The following TM7SF3 variants were observed in gnomAD, a reference collection of about 807,000 sequenced individuals.
TM7SF3 encodes seven span transmembrane protein.
Under a neutral mutation model 65.5 loss-of-function variants are expected in TM7SF3, and 60 were observed. The observed-to-expected ratio is 0.92, with a 90% CI of 0.74 to 1.14. The LOEUF is 1.14. TM7SF3 is among the 50% of genes most tolerant of loss of function. The pLI is 0.00. For missense variants in TM7SF3, 623 were observed against 684.8 expected (o/e 0.91, Z 1.01); for synonymous variants, 264 against 259.6 (o/e 1.02, Z -0.16).
intron 4 of TM7SF3, among the ~76,000 whole-genome samples, chr12:26,996,388 G>A (rs1020787265): frequency 3.3e-5 from 5 of 152,142 alleles, no homozygotes; most frequent in Admixed American, 1.3e-4. Flanking sequence ...AGAAACTGAG[G>A]CACAGCTTTA....
At chr12:26,987,550 A>G (rs188552624) in intron 6 of TM7SF3, among the ~76,000 whole-genome samples, 268 of 152,362 alleles carry the variant, frequency 1.8e-3, no homozygotes, top group Non-Finnish European at 2.9e-3. Context: ...ATAAAATAGG[A>G]ATCTACAGGT....
chr12:27,003,970 C>G (rs1271195737), intron 1 of TM7SF3, among the ~76,000 whole-genome samples: 1 of 152,166 alleles, frequency 6.6e-6, no homozygotes, highest in East Asian at 1.9e-4. Flanking sequence ...CCAATGAGCA[C>G]CCACACCAGG....
At chr12:26,983,617 T>C (rs1394488557) in intron 6 of TM7SF3, 1 of 451,946 alleles carries the variant, frequency 2.2e-6, no homozygotes, top group South Asian at 1.6e-5. Context: ...ATAATGGCCA[T>C]AAATCAAAAT....
chr12:26,995,282 C>A lies in TM7SF3; in HGVS notation c.645G>T (p.Leu215=). Residue 215 remains leucine (L), a synonymous_variant, in exon 5 of 12, where the codon CTG becomes CTT. Transcript: ENST00000343028. The part of the protein sequence containing the change: ...DLTEEMLLKH[L]QRMVSVPQVK... ...CCTGGGGCACACTGACCATCCTCTG[C>A]AGATGCTTCAGCAACATCTCCTCAG... 6.2e-7 allele frequency: 1 copy of A among 1,614,212 alleles called. No homozygotes were observed. The highest frequency in any genetic ancestry group is 1.1e-5 in the South Asian group (1 of 91,078).
intron 4 of TM7SF3, among the ~76,000 whole-genome samples, chr12:26,996,245 A>T (rs1940591933): frequency 6.6e-6 from 1 of 152,220 alleles, no homozygotes; most frequent in African/African-American, 2.4e-5. Flanking sequence ...TTTCTGTAAA[A>T]TAACAGCAAT....
intron 5 of TM7SF3, among the ~76,000 whole-genome samples, chr12:26,992,259 T>G (rs909478052): frequency 2.0e-5 from 3 of 152,196 alleles, no homozygotes; most frequent in Admixed American, 6.5e-5. Context: ...ACACAAAGGC[T>G]ATTTTATTTT....
intron 9 of TM7SF3, chr12:26,978,204 G>A: frequency 4.4e-6 from 1 of 225,352 alleles, no homozygotes; most frequent in Non-Finnish European, 9.3e-6. Context: ...AAGGGTATAT[G>A]CTAAAATTAT....
intron 5 of TM7SF3, 81 bp from the exon 6 acceptor site, chr12:26,990,708 T>A: frequency 9.9e-7 from 1 of 1,007,006 alleles, no homozygotes; most frequent in Non-Finnish European, 1.5e-6. Flanking sequence ...ACGTGTAATA[T>A]TAAATGGTAT....
At chr12:26,976,215 C>G in intron 10 of TM7SF3, 45 bp downstream of exon 10, 3 of 1,392,180 alleles carry the variant, frequency 2.2e-6, no homozygotes, top group East Asian at 2.3e-5. Context: ...GCTGAACACA[C>G]AGGATAACAT....
intron 6 of TM7SF3, among the ~76,000 whole-genome samples, chr12:26,985,212 T>C (rs1254451184): frequency 6.6e-6 from 1 of 152,060 alleles, no homozygotes; most frequent in Non-Finnish European, 1.5e-5. Context: ...GTTAAAAATA[T>C]ATGGCCAGGC....
intron 7 of TM7SF3, among the ~76,000 whole-genome samples, chr12:26,981,206 A>G (rs1047292521): frequency 3.9e-5 from 6 of 152,256 alleles, no homozygotes; most frequent in African/African-American, 1.4e-4. Context: ...GTTCCCACAA[A>G]TAAGCCTAAT....
chr12:26,986,678 C>A (rs1025261076), intron 6 of TM7SF3, among the ~76,000 whole-genome samples: 1 of 152,060 alleles, frequency 6.6e-6, no homozygotes, highest in African/African-American at 2.4e-5. Context: ...AGACTTTCTT[C>A]TTTAGAGCAA....
At chr12:26,975,386 T>C in intron 11 of TM7SF3, 110 bp downstream of exon 11, 1 of 1,095,872 alleles carries the variant, frequency 9.1e-7, no homozygotes, top group South Asian at 1.5e-5. Flanking sequence ...TTCCCTCCTT[T>C]TGTCCCAGTT....
intron 1 of TM7SF3, among the ~76,000 whole-genome samples, chr12:27,013,490 G>A (rs1941326773): frequency 1.3e-5 from 2 of 152,202 alleles, no homozygotes; most frequent in Admixed American, 6.5e-5. Context: ...CTGTAATTCA[G>A]AAAGTCCTTT....
chr12:26,989,610 A>T (rs914996675), intron 6 of TM7SF3, among the ~76,000 whole-genome samples: 1 of 152,060 alleles, frequency 6.6e-6, no homozygotes, highest in Non-Finnish European at 1.5e-5. Context: ...TTATACAGAA[A>T]TTCTTTATAC....
Position 26,995,378 on chromosome 12 carries a change from C to T in TM7SF3, c.549G>A (p.Gly183=). The stretch of plus-strand genomic sequence containing the variant: ...ACCTCCACCTGGAGTCCTGGTCTGT[C>T]CCAGCGTCACATGGTGGGGGATCTA... ...RGVDPPPCDA[G]TDQDSRWRLQ... Residue 183 remains glycine, a synonymous_variant, in exon 5 of 12, where the codon GGG becomes GGA. Coordinates refer to ENST00000343028, the MANE Select transcript of TM7SF3 (RefSeq NM_016551.3). 6.2e-7 allele frequency: 1 copy of T among 1,614,166 alleles called. No homozygotes were observed. The highest frequency in any genetic ancestry group is 8.5e-7 in the Non-Finnish European group (1 of 1,180,028).
At position 26,972,869 on chromosome 12, in the gene TM7SF3, A is replaced by G. The variant is rs894753858; in HGVS notation, c.*1096T>C. 5.9e-5 allele frequency among the ~76,000 whole-genome samples: 9 copies of G among 152,010 alleles called. No homozygotes were observed. The highest frequency in any genetic ancestry group is 1.9e-4 in the African/African-American group (8 of 41,420). ...ATTTGAAAAGGCCTTGAAAAAAAAA[A>G]GGGGGCCATTATTTGGAATATAAAT... is the stretch of plus-strand genomic sequence containing the variant. On this transcript the variant is annotated 3_prime_UTR_variant, in exon 12 of 12. Transcript: ENST00000343028.
At chr12:27,005,589 C>T (rs567664621) in intron 1 of TM7SF3, among the ~76,000 whole-genome samples, 16 of 152,268 alleles carry the variant, frequency 1.1e-4, no homozygotes, top group Admixed American at 2.0e-4. Flanking sequence ...ACTAGAGAAG[C>T]CTTCATGGTA....
intron 9 of TM7SF3, among the ~76,000 whole-genome samples, chr12:26,977,442 C>G (rs1040880639): frequency 6.6e-6 from 1 of 152,172 alleles, no homozygotes; most frequent in Admixed American, 6.5e-5. Context: ...TTTTTAAATG[C>G]TAATGCTTAA....
Sources: gnomAD v4.1 joint callset for allele counts (sites outside exome capture counted in the v4.1 genomes callset) on GRCh38, gnomAD v4.1.1 for gene constraint, MANE v1.5 for transcripts, NCBI Gene and HGNC (gene_info 2026-07-23, HGNC 2026-07-21) for gene names.